The following DLGAP2 variants were observed in gnomAD, a reference collection of about 807,000 sequenced individuals.
The protein encoded by DLGAP2 is disks large-associated protein 2.
A neutral mutation model predicts 100.3 loss-of-function variants in DLGAP2; 26 were observed. The observed-to-expected ratio is 0.26, with a 90% confidence interval of 0.19 to 0.36. The LOEUF is 0.36. DLGAP2 is among the 10% of genes least tolerant of loss of function. The pLI, the probability that DLGAP2 is intolerant of heterozygous loss-of-function variation, is 1.00. For synonymous variants in DLGAP2, 886 were observed against 630.1 expected (o/e 1.41, Z -6.08); for missense variants, 1,858 against 1,453.2 (o/e 1.28, Z -4.53).
intron 2 of DLGAP2, among the ~76,000 whole-genome samples, chr8:1,164,172 C>T (rs1008813575): frequency 9.0e-6 from 1 of 111,150 alleles, no homozygotes; most frequent in African/African-American, 3.7e-5. Flanking sequence ...CAGGGCCCGT[C>T]ATTTTGGTTT....
chr8:924,619 G>A (rs1384459704), intron 2 of DLGAP2, among the ~76,000 whole-genome samples: 5 of 150,560 alleles, frequency 3.3e-5, no homozygotes, highest in African/African-American at 4.9e-5. Flanking sequence ...AGTTTTGCTC[G>A]TTGCCCAGGC....
intron 3 of DLGAP2, among the ~76,000 whole-genome samples, chr8:1,309,766 C>T (rs1476280457): frequency 2.0e-5 from 3 of 152,190 alleles, no homozygotes; most frequent in African/African-American, 4.8e-5. Flanking sequence ...GATAAGTGTA[C>T]GTCTATGTTA....
intron 3 of DLGAP2, among the ~76,000 whole-genome samples, chr8:1,429,442 T>G (rs745887789): frequency 1.6e-4 from 25 of 152,174 alleles, no homozygotes; most frequent in Middle Eastern, 3.2e-3. Flanking sequence ...TGTTCATTGC[T>G]GTGGCTTCCA....
intron 3 of DLGAP2, chr8:1,373,758 C>T (rs1382770252): frequency 6.6e-6 from 1 of 152,242 alleles, no homozygotes; most frequent in Non-Finnish European, 1.5e-5. Context: ...TTTCCCGTGT[C>T]TTCTTCTCAC....
chr8:978,173 G>C (rs75182023), intron 2 of DLGAP2, among the ~76,000 whole-genome samples: 30 of 122,030 alleles, frequency 2.5e-4, no homozygotes, highest in Admixed American at 2.6e-4. Context: ...CAGTGAGAGG[G>C]TGGGTTCTGG....
chr8:997,177 A>C (rs1800806023), intron 2 of DLGAP2, among the ~76,000 whole-genome samples: 2 of 152,228 alleles, frequency 1.3e-5, no homozygotes, highest in Admixed American at 1.3e-4. Context: ...TCAGTTTCTG[A>C]GTAGAATTCA....
chr8:1,242,585 G>A (rs11776579), intron 2 of DLGAP2, among the ~76,000 whole-genome samples: 28,120 of 152,202 alleles, frequency 0.18, 3,020 homozygotes, highest in Non-Finnish European at 0.25. Flanking sequence ...GCCCACCCTC[G>A]CCTGAGCCCT....
At chr8:900,515 C>T (rs1042921034) in intron 1 of DLGAP2, among the ~76,000 whole-genome samples, 1 of 152,174 alleles carries the variant, frequency 6.6e-6, no homozygotes, top group South Asian at 2.1e-4. Context: ...TCTTTGTCTC[C>T]CCTTGCAGCA....
intron 6 of DLGAP2, among the ~76,000 whole-genome samples, chr8:1,572,153 A>G: frequency 8.6e-6 from 1 of 116,836 alleles, no homozygotes; most frequent in African/African-American, 3.5e-5. Context: ...GATGGAGAGG[A>G]GAGAGGGTGA....
intron 11 of DLGAP2, among the ~76,000 whole-genome samples, chr8:1,677,031 T>C (rs75469064): frequency 3.3e-5 from 5 of 152,312 alleles, no homozygotes; most frequent in South Asian, 4.1e-4. Context: ...TTCAAAAATA[T>C]TACCTAGAAA....
chr8:1,117,044 C>T (rs540013624), intron 2 of DLGAP2, among the ~76,000 whole-genome samples: 1 of 152,362 alleles, frequency 6.6e-6, no homozygotes, highest in Admixed American at 6.5e-5. Flanking sequence ...CTGTGCTTCT[C>T]TGCAGGATCC....
intron 6 of DLGAP2, among the ~76,000 whole-genome samples, chr8:1,593,694 G>A (rs1417782380): frequency 7.4e-6 from 1 of 134,742 alleles, no homozygotes; most frequent in Non-Finnish European, 1.7e-5. Flanking sequence ...TTCCAAGAGA[G>A]CTCCCAGAGT....
intron 3 of DLGAP2, among the ~76,000 whole-genome samples, chr8:1,437,199 C>T (rs924443037): frequency 1.3e-5 from 2 of 150,002 alleles, no homozygotes; most frequent in African/African-American, 2.5e-5. Flanking sequence ...TGCGTTCAGC[C>T]CAGGCGCGTA....
rs115061539 is a variant in DLGAP2 at position 1,264,979 on chromosome 8, G to C, written c.106+6096G>C. Among the ~76,000 whole-genome samples, 557 of 152,254 alleles carry C rather than the reference G, an allele frequency of 3.7e-3. 1 individual carries two copies. Among genetic ancestry groups the C allele is most frequent in the African/African-American group, 0.013 (521 of 41,524 alleles). On this transcript the variant is annotated intron_variant, in intron 3 of 14. Transcript: ENST00000637795. ...CTGCTGCCATGTAAGACATGCCGTT[G>C]CTCCTCCTTTGCCTTCCACCATGAT...
chr8:861,614 C>T (rs1318407972), intron 1 of DLGAP2, among the ~76,000 whole-genome samples: 1 of 152,174 alleles, frequency 6.6e-6, no homozygotes, highest in Non-Finnish European at 1.5e-5. Flanking sequence ...AAGTTTTTAC[C>T]TTTAATGTGA....
At chr8:1,171,439 G>A (rs1797126104) in intron 2 of DLGAP2, among the ~76,000 whole-genome samples, 1 of 152,038 alleles carries the variant, frequency 6.6e-6, no homozygotes, top group African/African-American at 2.4e-5. Context: ...GGGTATCCTT[G>A]TTGACTTTCT....
Position 1,705,456 on chromosome 8 carries a change from G to A in DLGAP2, c.*4050G>A, listed in dbSNP as rs1799681066. On this transcript the variant is annotated 3_prime_UTR_variant, in exon 15 of 15. Transcript: ENST00000637795. ...AGTCACCAGCAGGGCCACCCTTGAT[G>A]ACAGGGCCCCCCACGAACCTGGGAA... 6.6e-6 allele frequency: 1 copy of A among 152,322 alleles called. No homozygotes were observed. The highest frequency in any genetic ancestry group is 2.4e-5 in the African/African-American group (1 of 41,466). The allele number at this position is 152,322 out of a possible 1,614,324, so 9.4% of individuals were successfully genotyped here.
chr8:1,247,335 G>A (rs1204278062), intron 2 of DLGAP2, among the ~76,000 whole-genome samples: 2 of 144,566 alleles, frequency 1.4e-5, no homozygotes, highest in South Asian at 2.4e-4. Context: ...GGTCCACATC[G>A]GTGGCCAGCA....
chr8:891,623 C>A, intron 1 of DLGAP2: 1 of 152,594 alleles, frequency 6.6e-6, no homozygotes, highest in Non-Finnish European at 1.5e-5. Context: ...CAGAAGGTGG[C>A]TGGTTCTGGG....
Sources: allele counts gnomAD v4.1 joint callset (sites outside exome capture counted in the v4.1 genomes callset), GRCh38; gene constraint gnomAD v4.1.1; transcripts MANE v1.5; gene names NCBI Gene and HGNC (gene_info 2026-07-23, HGNC 2026-07-21).